Variants in MEP1B observed in about 807,000 individuals in gnomAD.
The protein encoded by MEP1B is meprin A subunit beta, also known as N-benzoyl-L-tyrosyl-P-amino-benzoic acid hydrolase subunit beta.
MEP1B carries 80 observed loss-of-function variants against 84.6 expected under a neutral mutation model. The ratio of observed to expected loss-of-function variants is 0.95; its 90% CI spans 0.79 to 1.14. MEP1B has a LOEUF of 1.14. Among genes scored for constraint, MEP1B ranks in the 50% most tolerant of loss-of-function variants. The probability of loss-of-function intolerance (pLI) is 0.00; values close to 1 mark genes in which losing one functional copy is unlikely to be tolerated. For missense variants in MEP1B, 766 were observed against 855.1 expected, an observed-to-expected ratio of 0.90 and a Z score of 1.30; for synonymous variants, 273 against 288.1, an observed-to-expected ratio of 0.95 and a Z score of 0.53.
At chr18:32,215,391 T>A (rs1453665977) in intron 12 of MEP1B, 130 bp downstream of exon 12, 4 of 518,704 alleles carry the variant, frequency 7.7e-6, no homozygotes, top group Non-Finnish European at 1.3e-5. Context: ...TGGGCATGAA[T>A]GGGGTTTGGG....
chr18:32,218,428 C>T (rs980748387), intron 14 of MEP1B, among the ~76,000 whole-genome samples: 1 of 152,174 alleles, frequency 6.6e-6, no homozygotes, highest in African/African-American at 2.4e-5. Context: ...ATTCTGGCTT[C>T]ATGTGGAATA....
intron 7 of MEP1B, among the ~76,000 whole-genome samples, chr18:32,204,622 C>T (rs12457952): frequency 0.3 from 45,688 of 151,974 alleles, 7,118 homozygotes; most frequent in African/African-American, 0.36. Context: ...TTATGTGGAA[C>T]GGAGTCTGTG....
At chr18:32,194,748 A>G (rs1262232345) in intron 4 of MEP1B, among the ~76,000 whole-genome samples, 3 of 151,818 alleles carry the variant, frequency 2.0e-5, no homozygotes, top group Non-Finnish European at 2.9e-5. Context: ...ACTCCATCTC[A>G]TGTACTCCGT....
chr18:32,212,049 T>A (rs1019568315), intron 10 of MEP1B, among the ~76,000 whole-genome samples: 1 of 148,266 alleles, frequency 6.7e-6, no homozygotes, highest in South Asian at 2.1e-4. Flanking sequence ...TATAATATAT[T>A]ATATATTACA....
chr18:32,195,608 C>A, intron 5 of MEP1B, 123 bp downstream of exon 5: 2 of 571,848 alleles, frequency 3.5e-6, no homozygotes, highest in South Asian at 3.0e-5. Context: ...CTTTGTGTGG[C>A]TATGTACATT....
At chr18:32,210,775 T>G in intron 10 of MEP1B, 59 bp downstream of exon 10, 1 of 1,425,696 alleles carries the variant, frequency 7.0e-7, no homozygotes, top group Non-Finnish European at 9.9e-7. Flanking sequence ...AGGTCTTTTC[T>G]TTAGTTAATG....
intron 8 of MEP1B, among the ~76,000 whole-genome samples, chr18:32,207,885 A>AT (rs1333648767): frequency 2.0e-5 from 3 of 152,060 alleles, no homozygotes; most frequent in African/African-American, 7.2e-5. Flanking sequence ...AAATTAGAAA[A>AT]TTTTTTTTAA....
At position 32,216,867 on chromosome 18, in the gene MEP1B, C is replaced by A. The variant is rs866862527; in HGVS notation, c.1760-124C>A. On this transcript the variant is annotated intron_variant, in intron 12 of 14. Coordinates refer to ENST00000269202, the MANE Select transcript of MEP1B (RefSeq NM_005925.3). ...TGGGCAACATTGCAAGATCTCACCTCTAAAAAAAAAAAAGAAAGAAAGAAA... is the reference window on the plus strand; with the variant it reads ...TGGGCAACATTGCAAGATCTCACCTATAAAAAAAAAAAAGAAAGAAAGAAA... The A allele has an allele frequency of 3.1e-5, 35 of 1,124,518 alleles. 1 individual carries two copies. The South Asian group carries it at 4.6e-4, about 15-fold the overall frequency. 69.7% of individuals were successfully genotyped at this position (1,124,518 alleles called of 1,614,324 possible). A position where few individuals can be genotyped will look rare whatever the true frequency, so the allele number is the denominator to read the frequency against.
At position 32,213,371 on chromosome 18, in the gene MEP1B, A is replaced by T; in HGVS notation, c.1391A>T (p.Tyr464Phe). The change falls in exon 11 of 15, where the codon TAC (tyrosine) becomes TTC (phenylalanine). Residue 464 changes from tyrosine (Y) to phenylalanine (F), a missense_variant. Tyr to Phe is a conservative substitution (Grantham distance 22). Coordinates refer to ENST00000269202, the MANE Select transcript of MEP1B (RefSeq NM_005925.3). ...YSSKGYAFQI[Y>F]LNLAHVTNAG... ...TCTAAAGGTTATGCCTTTCAGATTT[A>T]CTTAAATCTAGCCCATGTGACTAAT... 1 of 1,613,884 alleles carries T rather than the reference A, an allele frequency of 6.2e-7. No individual in the cohort carries two copies. The highest frequency in any genetic ancestry group is 8.5e-7 in the Non-Finnish European group (1 of 1,179,816).
chr18:32,210,574 G>A lies in MEP1B; in HGVS notation c.993G>A (p.Thr331=), dbSNP rs1478290870. ...CCACAGCAGTGCTGGAAAGTAGAAC[G>A]CTGTACCCTAAAAGAGGATTTCAGT... ...VGATAVLESR[T]LYPKRGFQCL... Residue 331 remains threonine, a synonymous_variant, in exon 10 of 15, where the codon ACG becomes ACA. Coordinates refer to ENST00000269202, the MANE Select transcript of MEP1B (RefSeq NM_005925.3). The A allele has an allele frequency of 6.2e-6, 10 of 1,613,852 alleles. No homozygotes were observed. The highest frequency in any genetic ancestry group is 4.0e-5 in the African/African-American group (3 of 74,924).
chr18:32,207,893 T>A (rs1022162718), intron 8 of MEP1B, among the ~76,000 whole-genome samples: 4 of 152,158 alleles, frequency 2.6e-5, no homozygotes, highest in East Asian at 3.8e-4. Flanking sequence ...AAATTTTTTT[T>A]AAAAAAGACT....
At chr18:32,210,312 T>C (rs913962264) in intron 9 of MEP1B, among the ~76,000 whole-genome samples, 189 bp from the exon 10 acceptor site, 1 of 152,266 alleles carries the variant, frequency 6.6e-6, no homozygotes, top group Non-Finnish European at 1.5e-5. Flanking sequence ...TTGAGTTTTA[T>C]ACTGTTATGT....
intron 6 of MEP1B, 112 bp downstream of exon 6, chr18:32,203,122 C>G: frequency 3.4e-6 from 2 of 587,808 alleles, no homozygotes; most frequent in Admixed American, 3.3e-5. Flanking sequence ...TGGGGACTTT[C>G]TTGCTAGTTG....
intron 4 of MEP1B, among the ~76,000 whole-genome samples, chr18:32,194,762 C>G (rs551041237): frequency 6.6e-6 from 1 of 152,112 alleles, no homozygotes; most frequent in African/African-American, 2.4e-5. Context: ...ACTCCGTCAT[C>G]CCTGTGCCCT....
At chr18:32,195,262 CTA>C (rs746351693) in intron 4 of MEP1B, 143 bp from the exon 5 acceptor site, 608 of 498,428 alleles carry the variant, frequency 1.2e-3, no homozygotes, top group Middle Eastern at 6.2e-3. Context: ...AAAAGTAGGG[CTA>C]CACACACACA....
At chr18:32,192,602 T>C in intron 2 of MEP1B, 44 bp from the exon 3 acceptor site, 1 of 1,580,478 alleles carries the variant, frequency 6.3e-7, no homozygotes, top group Non-Finnish European at 8.7e-7. Context: ...TCTCCTTTTA[T>C]AAACATAATG....
chr18:32,213,022 G>A, intron 10 of MEP1B, 94 bp from the exon 11 acceptor site: 1 of 1,199,462 alleles, frequency 8.3e-7, no homozygotes, highest in Non-Finnish European at 1.2e-6. Flanking sequence ...ATCGGTTTTG[G>A]ATGACCCTTT....
Position 32,190,132 on chromosome 18 carries a change from T to A in MEP1B, c.62T>A (p.Leu21Ter), listed in dbSNP as rs748114670. ...GATGCTCTTCTCGTGATTTCTGGCTTGGTAAGGAAACAGTATATAGAAGAT... is the reference window on the plus strand; with the variant it reads ...GATGCTCTTCTCGTGATTTCTGGCTAGGTAAGGAAACAGTATATAGAAGAT... ...FLDALLVISG[L>*]ATPENFDVDG... Residue 21 changes from leucine (L) to a stop codon, truncating the protein, a stop_gained and splice_region_variant, in exon 1 of 15, where the codon TTG (leucine) becomes TAG (stop). Transcript: ENST00000269202. LOFTEE classifies it high-confidence loss of function. 27 of 1,612,480 alleles carry A rather than the reference T, an allele frequency of 1.7e-5. No individual in the cohort carries two copies. The South Asian group carries it at 3.0e-4, about 18-fold the overall frequency.
chr18:32,218,970 A>G (rs1441707244), intron 14 of MEP1B, among the ~76,000 whole-genome samples: 2 of 152,260 alleles, frequency 1.3e-5, no homozygotes, highest in Non-Finnish European at 2.9e-5. Context: ...AAAGAAGCAC[A>G]GAGAAAGTGG....
Sources: allele counts gnomAD v4.1 joint callset (sites outside exome capture counted in the v4.1 genomes callset), GRCh38; gene constraint gnomAD v4.1.1; transcripts MANE v1.5; gene names NCBI Gene and HGNC (gene_info 2026-07-23, HGNC 2026-07-21).